The following SULT1E1 variants were observed in gnomAD, a reference collection of about 807,000 sequenced individuals.
SULT1E1 encodes the protein sulfotransferase 1E1.
SULT1E1 carries 36 observed loss-of-function variants against 33.6 expected under a neutral mutation model. The observed-to-expected ratio is 1.07, with a 90% confidence interval of 0.82 to 1.41. The LOEUF is 1.41. SULT1E1 is among the 40% of genes most tolerant of loss of function. The pLI is 0.00. For synonymous variants in SULT1E1, 121 were observed against 111.7 expected (o/e 1.08, Z -0.53); for missense variants, 371 against 345.7 (o/e 1.07, Z -0.58).
chr4:69,854,034 G>A (rs559091486), intron 4 of SULT1E1, among the ~76,000 whole-genome samples, 183 bp downstream of exon 4: 15 of 152,134 alleles, frequency 9.9e-5, no homozygotes, highest in African/African-American at 3.6e-4. Flanking sequence ...ACCACATCTG[G>A]CAAAAGACAG....
At chr4:69,832,637 TAGTTCAA>T in the SULT1E1 span, among the ~76,000 whole-genome samples, 1 of 152,160 alleles carries the variant, frequency 6.6e-6, no homozygotes, top group African/African-American at 2.4e-5. Context: ...TTATCTGGGT[TAGTTCAA>T]AGTTCAAAGG....
At chr4:69,850,302 A>G (rs1721075034) in intron 4 of SULT1E1, among the ~76,000 whole-genome samples, 1 of 152,032 alleles carries the variant, frequency 6.6e-6, no homozygotes, top group East Asian at 1.9e-4. Flanking sequence ...TCAATGTTAC[A>G]CGAAAAGATC....
rs1318565962 is a variant in SULT1E1 at position 69,844,301 on chromosome 4, T to C, written c.632A>G (p.Glu211Gly). The change falls in exon 7 of 8, where the codon GAA becomes GGA. Residue 211 changes from glutamate to glycine, a missense_variant. Transcript: ENST00000226444. ...KEVIKLIHFL[E>G]RKPSEELVDR... is the part of the protein sequence containing the mutation. Reference sequence around the variant, plus strand: ...CACAAGCTCCTCTGATGGCTTCCTTTCCAGGAAATGTATCAATTTTATCAC... The same window carrying C: ...CACAAGCTCCTCTGATGGCTTCCTTCCCAGGAAATGTATCAATTTTATCAC... 1 of 1,613,684 alleles carries C rather than the reference T, an allele frequency of 6.2e-7. No individual in the cohort carries two copies. The highest frequency in any genetic ancestry group is 2.2e-5 in the East Asian group (1 of 44,850).
chr4:69,854,287 G>T lies in SULT1E1; in HGVS notation c.299C>A (p.Ser100Tyr), dbSNP rs1721187895. The change falls in exon 4 of 8, where the codon TCT (serine) becomes TAT (tyrosine). Residue 100 changes from serine (S) to tyrosine (Y), a missense_variant. By Grantham distance (144) the Ser-to-Tyr change is moderately radical. Coordinates refer to ENST00000226444, the MANE Select transcript of SULT1E1 (RefSeq NM_005420.3). ...CAAATGAGTCTTCACAATTCTAGGA[G>T]AATTCATCTCATCTAATTGTTTTAC... is the stretch of plus-strand genomic sequence containing the variant. The part of the protein sequence containing the change: ...NGVKQLDEMN[S>Y]PRIVKTHLPP... The T allele has an allele frequency of 6.2e-7, 1 of 1,610,618 alleles. No homozygotes were observed. Among genetic ancestry groups the T allele is most frequent in the African/African-American group, 1.3e-5 (1 of 74,990 alleles).
chr4:69,850,092 T>A (rs1194579351), intron 4 of SULT1E1, among the ~76,000 whole-genome samples: 1 of 152,030 alleles, frequency 6.6e-6, no homozygotes, highest in Non-Finnish European at 1.5e-5. Flanking sequence ...GAGGTGAAAA[T>A]ATAACCTCTG....
chr4:69,858,747 C>T (rs1721304478), intron 1 of SULT1E1, among the ~76,000 whole-genome samples: 1 of 152,136 alleles, frequency 6.6e-6, no homozygotes, highest in South Asian at 2.1e-4. Context: ...CAATAAATCA[C>T]TTGTTCCCCA....
At chr4:69,842,231 T>A (rs935347343) in intron 7 of SULT1E1, 125 bp from the exon 8 acceptor site, 3 of 615,470 alleles carry the variant, frequency 4.9e-6, no homozygotes, top group Admixed American at 6.7e-5. Context: ...ATTTTAAGAA[T>A]CAAATGTATA....
At chr4:69,846,025 A>G (rs572131440) in intron 6 of SULT1E1, among the ~76,000 whole-genome samples, 11 of 151,126 alleles carry the variant, frequency 7.3e-5, no homozygotes, top group African/African-American at 2.4e-4. Context: ...AAGGTTATTC[A>G]AATATATGAA....
chr4:69,857,955 C>T (rs548055476), intron 1 of SULT1E1, among the ~76,000 whole-genome samples: 23 of 152,172 alleles, frequency 1.5e-4, no homozygotes, highest in African/African-American at 5.5e-4. Context: ...TAAATAAAAA[C>T]CACAGAACCT....
chr4:69,851,995 G>A (rs1234625559), intron 4 of SULT1E1, among the ~76,000 whole-genome samples: 1 of 151,942 alleles, frequency 6.6e-6, no homozygotes, highest in Non-Finnish European at 1.5e-5. Flanking sequence ...GAGCGGGGAG[G>A]GACAGCATTA....
intron 4 of SULT1E1, among the ~76,000 whole-genome samples, chr4:69,853,142 A>G (rs1721160999): frequency 6.6e-6 from 1 of 152,112 alleles, no homozygotes; most frequent in African/African-American, 2.4e-5. Flanking sequence ...AATGACTGGG[A>G]TATATCCCCT....
At chr4:69,847,550 G>T in intron 6 of SULT1E1, 148 bp downstream of exon 6, 3 of 448,510 alleles carry the variant, frequency 6.7e-6, no homozygotes, top group East Asian at 7.1e-5. Flanking sequence ...CTATGCTAAA[G>T]TATCTGTATT....
the SULT1E1 span, among the ~76,000 whole-genome samples, chr4:69,829,025 A>T: frequency 1.7e-4 from 26 of 152,166 alleles, 1 homozygote; most frequent in Admixed American, 1.7e-3. Flanking sequence ...GTGTACTGTG[A>T]TTGACCCCAC....
In SULT1E1 at chr4:69,844,323, T is replaced by C. The variant is rs1333400088; in HGVS notation, c.610A>G (p.Ile204Val). 4 of 1,612,558 alleles carry C rather than the reference T, an allele frequency of 2.5e-6. No individual in the cohort carries two copies. Among genetic ancestry groups the C allele is most frequent in the African/African-American group, 2.7e-5 (2 of 74,886 alleles). Reference sequence around the variant, plus strand: ...CTTTCCAGGAAATGTATCAATTTTATCACCTCTTTTCTGATATCCTAGGGA... The same window carrying C: ...CTTTCCAGGAAATGTATCAATTTTACCACCTCTTTTCTGATATCCTAGGGA... Reference protein sequence around the residue: ...DLKEDIRKEVIKLIHFLERKP... With the variant: ...DLKEDIRKEVVKLIHFLERKP... Residue 204 changes from isoleucine to valine, a missense_variant, in exon 7 of 8, where the codon ATA (isoleucine) becomes GTA (valine). Coordinates refer to ENST00000226444, the MANE Select transcript of SULT1E1 (RefSeq NM_005420.3).
In SULT1E1 at chr4:69,852,092, G is replaced by A. The variant is rs1334793628; in HGVS notation, c.369+2125C>T. ...TACATATGTAACAAACCTGCACATT[G>A]TGCACATGTACCCTAAAACTTGAAG... On this transcript the variant is annotated intron_variant, in intron 4 of 7. Coordinates refer to ENST00000226444, the MANE Select transcript of SULT1E1 (RefSeq NM_005420.3). 2.0e-5 allele frequency among the ~76,000 whole-genome samples: 3 copies of A among 152,124 alleles called. No individual in the cohort carries two copies. In the East Asian group the frequency reaches 5.8e-4, roughly 29 times the overall value.
chr4:69,857,387 C>A (rs1208853107), intron 2 of SULT1E1, 113 bp downstream of exon 2: 11 of 1,308,166 alleles, frequency 8.4e-6, no homozygotes, highest in Non-Finnish European at 1.1e-5. Context: ...TCAAAACTAC[C>A]GCATCTGTTC....
At chr4:69,851,067 T>G (rs554155009) in intron 4 of SULT1E1, among the ~76,000 whole-genome samples, 1 of 152,206 alleles carries the variant, frequency 6.6e-6, no homozygotes, top group African/African-American at 2.4e-5. Flanking sequence ...TTCTTTTTGT[T>G]GCCATTGCTT....
rs1242574987 is a variant in SULT1E1 at position 69,844,465 on chromosome 4, G to A, written c.592-124C>T. 1.3e-5 allele frequency: 9 copies of A among 717,188 alleles called. No individual in the cohort carries two copies. The Middle Eastern group carries it at 1.2e-3, about 97-fold the overall frequency. The allele number at this position is 717,188 out of a possible 1,614,324, so 44.4% of individuals were successfully genotyped here. A position where few individuals can be genotyped will look rare whatever the true frequency, so the allele number is the denominator to read the frequency against. ...GATATTAGAATTAGATTTCTAATGA[G>A]AAATCTAATTGGGGGAATTTTATAA... is the stretch of plus-strand genomic sequence containing the variant. On this transcript the variant is annotated intron_variant, in intron 6 of 7. Transcript: ENST00000226444.
intron 7 of SULT1E1, 146 bp from the exon 8 acceptor site, chr4:69,842,252 T>C: frequency 1.8e-6 from 1 of 549,434 alleles, no homozygotes; most frequent in Non-Finnish European, 3.1e-6. Flanking sequence ...CCTTTAATGA[T>C]ATACTTTTTT....
Sources: gnomAD v4.1 joint callset for allele counts (sites outside exome capture counted in the v4.1 genomes callset) on GRCh38, gnomAD v4.1.1 for gene constraint, MANE v1.5 for transcripts, NCBI Gene and HGNC (gene_info 2026-07-23, HGNC 2026-07-21) for gene names.